LRRFIP1: variants seen among roughly 807,000 people sequenced by gnomAD.
The protein encoded by LRRFIP1 is LRR binding FLII interacting protein 1.
A neutral mutation model predicts 104.4 loss-of-function variants in LRRFIP1; 62 were observed. The ratio of observed to expected loss-of-function variants is 0.59; its 90% CI spans 0.48 to 0.73. The LOEUF is 0.73. LRRFIP1 is among the 30% of genes least tolerant of loss of function. The pLI, the probability that LRRFIP1 is intolerant of heterozygous loss-of-function variation, is 0.00. For missense variants in LRRFIP1, 796 were observed against 824.5 expected, an observed-to-expected ratio of 0.97 and a Z score of 0.42; for synonymous variants, 300 against 299.0, an observed-to-expected ratio of 1.00 and a Z score of -0.03.
chr2:237,647,549 G>T (rs1316511957), intron 1 of LRRFIP1, among the ~76,000 whole-genome samples: 2 of 152,110 alleles, frequency 1.3e-5, no homozygotes, highest in Admixed American at 1.3e-4. Context: ...TGAGGGAGCA[G>T]AAGCGGGGTC....
intron 1 of LRRFIP1, among the ~76,000 whole-genome samples, chr2:237,698,244 A>G (rs757217595): frequency 6.6e-6 from 1 of 152,222 alleles, no homozygotes; most frequent in African/African-American, 2.4e-5. Context: ...GCATGAACCC[A>G]AAGAATTTCA....
At position 237,649,259 on chromosome 2, in the gene LRRFIP1, A is replaced by G. The variant is rs2085488974; in HGVS notation, c.96+21519A>G. 2.7e-5 allele frequency among the ~76,000 whole-genome samples: 4 copies of G among 150,582 alleles called. No individual in the cohort carries two copies. The South Asian group carries it at 8.6e-4, about 32-fold the overall frequency. On this transcript the variant is annotated intron_variant, in intron 1 of 23. Coordinates refer to ENST00000308482, the MANE Select transcript of LRRFIP1 (RefSeq NM_001137550.2). The surrounding 1 kb of genome is among the most constrained non-coding windows in gnomAD (Gnocchi z 4.1). ...CTACGAACACTGTAGGCCGGGCGCG[A>G]TGGCTCACACCTGTAATCCCAGCAC...
intron 1 of LRRFIP1, among the ~76,000 whole-genome samples, chr2:237,648,444 C>T (rs776159559): frequency 4.0e-5 from 6 of 151,792 alleles, no homozygotes; most frequent in African/African-American, 1.2e-4. Flanking sequence ...AGATGCCTCA[C>T]GGCCAGGTGC....
chr2:237,779,758 C>T lies in LRRFIP1; in HGVS notation c.*226C>T, dbSNP rs899648086. 2 of 424,268 alleles carry T rather than the reference C, an allele frequency of 4.7e-6. No homozygotes were observed. The highest frequency in any genetic ancestry group is 8.8e-6 in the Non-Finnish European group (2 of 228,452). 26.3% of individuals were successfully genotyped at this position (424,268 alleles called of 1,614,324 possible). A position where few individuals can be genotyped will look rare whatever the true frequency, so the allele number is the denominator to read the frequency against. On this transcript the variant is annotated 3_prime_UTR_variant, in exon 24 of 24. Coordinates refer to ENST00000308482, the MANE Select transcript of LRRFIP1 (RefSeq NM_001137550.2). ...CCTGGCCCGGGCTGGCGCCGACGCT[C>T]AGAACCTGCAGGTACTTCATAAGCA...
intron 1 of LRRFIP1, among the ~76,000 whole-genome samples, chr2:237,658,601 C>G (rs922691819): frequency 6.6e-6 from 1 of 152,168 alleles, no homozygotes; most frequent in Non-Finnish European, 1.5e-5. Flanking sequence ...TTCAGCATAG[C>G]TGGAGAGGCC....
At chr2:237,692,148 TG>T (rs1332829784) in intron 1 of LRRFIP1, 5 of 612,754 alleles carry the variant, frequency 8.2e-6, no homozygotes, top group South Asian at 1.6e-4. Context: ...CGGAACTGCG[TG>T]GGGGGCGGGG....
chr2:237,772,807 GT>G, intron 21 of LRRFIP1, 58 bp from the exon 22 acceptor site: 1 of 1,155,934 alleles, frequency 8.7e-7, no homozygotes, highest in East Asian at 2.3e-5. Flanking sequence ...AGTAACTATT[GT>G]TTTAATATTT....
At position 237,648,727 on chromosome 2, in the gene LRRFIP1, G is replaced by A. The variant is rs552434180; in HGVS notation, c.96+20987G>A. 4.9e-5 allele frequency among the ~76,000 whole-genome samples: 6 copies of A among 122,110 alleles called. No homozygotes were observed. In the East Asian group the frequency reaches 1.1e-3, roughly 22 times the overall value. 80.1% of individuals were successfully genotyped at this position (122,110 alleles called of 152,430 possible). On this transcript the variant is annotated intron_variant, in intron 1 of 23. Coordinates refer to ENST00000308482, the MANE Select transcript of LRRFIP1 (RefSeq NM_001137550.2). The stretch of plus-strand genomic sequence containing the variant: ...TCCCCACCCACCCCCAGCCCAGCCC[G>A]AGCAGCCCAGACCCAGGAAGGAGGT...
Position 237,717,341 on chromosome 2 carries a change from C to A in LRRFIP1, c.202-421C>A, listed in dbSNP as rs2094375352. Among the ~76,000 whole-genome samples the A allele has an allele frequency of 6.6e-6, 1 of 152,222 alleles. No individual in the cohort carries two copies. The highest frequency in any genetic ancestry group is 2.4e-5 in the African/African-American group (1 of 41,456). The stretch of plus-strand genomic sequence containing the variant: ...TTCTCCTCTCAGTTTCCCTGAGGTC[C>A]CAACACCGGAATGGCTCTGAGCTTC... On this transcript the variant is annotated intron_variant, in intron 3 of 23. Transcript: ENST00000308482. This position sits in a 1 kb window ranked among gnomAD's most constrained non-coding sequence, Gnocchi z 4.2.
intron 4 of LRRFIP1, among the ~76,000 whole-genome samples, chr2:237,718,583 A>G (rs1200173649): frequency 2.0e-5 from 3 of 151,946 alleles, no homozygotes; most frequent in East Asian, 3.9e-4. Context: ...TAGTTCCTCT[A>G]CCCGAGTCCT....
intron 1 of LRRFIP1, among the ~76,000 whole-genome samples, chr2:237,664,367 T>C (rs898080632): frequency 1.9e-4 from 29 of 152,246 alleles, no homozygotes; most frequent in African/African-American, 6.8e-4. Context: ...GGTATTCAGT[T>C]CTGGATTGTA....
intron 16 of LRRFIP1, 68 bp from the exon 17 acceptor site, chr2:237,757,388 C>A (rs2150769015): frequency 9.9e-7 from 1 of 1,007,366 alleles, no homozygotes; most frequent in South Asian, 1.4e-5. Context: ...CTCTCAGGTT[C>A]TCTCTCGGGC....
rs1424545261 is a variant in LRRFIP1 at position 237,711,417 on chromosome 2, G to A, written c.183+2787G>A. Among the ~76,000 whole-genome samples, 2 of 152,252 alleles carry A rather than the reference G, an allele frequency of 1.3e-5. No homozygotes were observed. The highest frequency in any genetic ancestry group is 4.8e-5 in the African/African-American group (2 of 41,468). On this transcript the variant is annotated intron_variant, in intron 2 of 23. Coordinates refer to ENST00000308482, the MANE Select transcript of LRRFIP1 (RefSeq NM_001137550.2). The surrounding 1 kb of genome is among the most constrained non-coding windows in gnomAD (Gnocchi z 4.4). The stretch of plus-strand genomic sequence containing the variant: ...CAAATTCGGCGGAACATCCGCCACT[G>A]AGAGCGGTGGTTTTGGTCTGTGCTC...
At chr2:237,761,808 A>G (rs1323738074) in intron 19 of LRRFIP1, among the ~76,000 whole-genome samples, 6 of 152,254 alleles carry the variant, frequency 3.9e-5, no homozygotes, top group Non-Finnish European at 7.3e-5. Flanking sequence ...TTTGACTTTC[A>G]GTAACATAGT....
At chr2:237,665,128 GAAAT>G (rs1396687554) in intron 1 of LRRFIP1, among the ~76,000 whole-genome samples, 2 of 152,020 alleles carry the variant, frequency 1.3e-5, no homozygotes, top group East Asian at 3.9e-4. Context: ...TTCTTATTGT[GAAAT>G]AAACCATTTA....
Position 237,699,409 on chromosome 2 carries a change from A to G in LRRFIP1, c.97-9135A>G, listed in dbSNP as rs376644433. 7.7e-4 allele frequency among the ~76,000 whole-genome samples: 116 copies of G among 150,172 alleles called. 1 individual carries two copies. The highest frequency in any genetic ancestry group is 2.8e-3 in the African/African-American group (113 of 40,596). On this transcript the variant is annotated intron_variant, in intron 1 of 23. Coordinates refer to ENST00000308482, the MANE Select transcript of LRRFIP1 (RefSeq NM_001137550.2). ...GCTCTGTCGCCCAGGCTGGAGTGCA[A>G]TGGTGAGATCTCGGCTCACTACAAC... is the stretch of plus-strand genomic sequence containing the variant.
intron 2 of LRRFIP1, among the ~76,000 whole-genome samples, chr2:237,712,378 G>A (rs778589512): frequency 3.3e-5 from 5 of 152,144 alleles, no homozygotes; most frequent in Admixed American, 2.6e-4. Context: ...ACGCTGGCAC[G>A]CACAGCAAAG....
chr2:237,715,600 A>G (rs898321358), intron 3 of LRRFIP1, among the ~76,000 whole-genome samples: 4 of 152,266 alleles, frequency 2.6e-5, no homozygotes, highest in Non-Finnish European at 4.4e-5. Context: ...GCAGAGGCAC[A>G]GTTTTGTAGT....
rs570974683 is a variant in LRRFIP1, at chr2:237,679,851, A to G, written c.97-28693A>G. Among the ~76,000 whole-genome samples the G allele has an allele frequency of 3.1e-3, 476 of 152,064 alleles. 9 individuals are homozygous for G. In the East Asian group the frequency reaches 0.047, roughly 15 times the overall value. On this transcript the variant is annotated intron_variant, in intron 1 of 23. Coordinates refer to ENST00000308482, the MANE Select transcript of LRRFIP1 (RefSeq NM_001137550.2). Reference sequence around the variant, plus strand: ...TCAAACTCCTGACCTCGGGTGATCCACCCGCCTCGGCCTCCCAAAGTGCTG... The same window carrying G: ...TCAAACTCCTGACCTCGGGTGATCCGCCCGCCTCGGCCTCCCAAAGTGCTG...
Sources: gnomAD v4.1 joint callset for allele counts (sites outside exome capture counted in the v4.1 genomes callset) on GRCh38, gnomAD v4.1.1 for gene constraint, Gnocchi (gnomAD v3.1) non-coding constraint, MANE v1.5 for transcripts, NCBI Gene and HGNC (gene_info 2026-07-23, HGNC 2026-07-21) for gene names.